GALNT11: variants seen among roughly 807,000 people sequenced by gnomAD.
GALNT11 encodes the protein UDP-GalNAc:polypeptide N-acetylgalactosaminyltransferase 11.
GALNT11 carries 47 observed loss-of-function variants against 72.7 expected under a neutral mutation model. The observed-to-expected ratio is 0.65, with a 90% CI of 0.51 to 0.82. The LOEUF (loss-of-function observed/expected upper bound fraction) is 0.82, where lower values mean the gene tolerates loss of function less well. Among genes scored for constraint, GALNT11 ranks in the 40% least tolerant of loss-of-function variants. The probability of loss-of-function intolerance (pLI) is 0.00; values close to 1 mark genes in which losing one functional copy is unlikely to be tolerated. For synonymous variants in GALNT11, 270 were observed against 286.6 expected (o/e 0.94, Z 0.58); for missense variants, 677 against 778.4 (o/e 0.87, Z 1.55).
chr7:152,111,336 T>C (rs1378012410), intron 7 of GALNT11, among the ~76,000 whole-genome samples: 3 of 152,024 alleles, frequency 2.0e-5, no homozygotes, highest in Non-Finnish European at 4.4e-5. Context: ...CTACTTTTTG[T>C]AGAGATGCGA....
In GALNT11 at chr7:152,094,074, T is replaced by G. The variant is rs2086216199; in HGVS notation, c.-38-116T>G. On this transcript the variant is annotated intron_variant, in intron 1 of 11. Coordinates refer to ENST00000430044, the MANE Select transcript of GALNT11 (RefSeq NM_022087.4). The surrounding 1 kb of genome is among the most constrained non-coding windows in gnomAD (Gnocchi z 4.3). ...CCATACATCTTCTTGTATTTGAATATCCGTTAACTGTACGCATAGTGGTCC... is the reference window on the plus strand; with the variant it reads ...CCATACATCTTCTTGTATTTGAATAGCCGTTAACTGTACGCATAGTGGTCC... The G allele has an allele frequency of 2.5e-6, 2 of 812,622 alleles. No individual in the cohort carries two copies. Among genetic ancestry groups the G allele is most frequent in the African/African-American group, 3.4e-5 (2 of 58,258 alleles). 50.3% of individuals were successfully genotyped at this position (812,622 alleles called of 1,614,324 possible).
At chr7:152,062,465 C>T (rs1260513494) in intron 1 of GALNT11, among the ~76,000 whole-genome samples, 1 of 152,178 alleles carries the variant, frequency 6.6e-6, no homozygotes, top group Non-Finnish European at 1.5e-5. Context: ...ATTTCTTTCT[C>T]CTGCCTGATT....
At chr7:152,049,897 G>A (rs532574519) in intron 1 of GALNT11, among the ~76,000 whole-genome samples, 2 of 152,068 alleles carry the variant, frequency 1.3e-5, no homozygotes, top group African/African-American at 4.8e-5. Context: ...CACTGTCCTA[G>A]GTTCATGGCA....
intron 7 of GALNT11, among the ~76,000 whole-genome samples, 189 bp downstream of exon 7, chr7:152,110,834 G>A (rs540669385): frequency 6.6e-5 from 10 of 151,516 alleles, no homozygotes; most frequent in South Asian, 2.1e-4. Context: ...GAGCTCAAGC[G>A]ATCCTCTTGC....
At chr7:152,092,294 AT>A (rs369529550) in intron 1 of GALNT11, among the ~76,000 whole-genome samples, 2 of 151,636 alleles carry the variant, frequency 1.3e-5, no homozygotes, top group East Asian at 1.9e-4. Flanking sequence ...GCACATTGCA[AT>A]TTTTTTTTGT....
rs753195277 is a variant in GALNT11, at chr7:152,105,356, C to T, written c.698C>T (p.Ala233Val). 13 of 1,612,716 alleles carry T rather than the reference C, an allele frequency of 8.1e-6. No homozygotes were observed. Among genetic ancestry groups the T allele is most frequent in the Middle Eastern group, 3.3e-4 (2 of 6,074 alleles). The change falls in exon 5 of 12, where the codon GCG becomes GTG. Residue 233 changes from alanine (A) to valine (V), a missense_variant. Ala to Val is a moderately conservative substitution (Grantham distance 64). Coordinates refer to ENST00000430044, the MANE Select transcript of GALNT11 (RefSeq NM_022087.4). ...TTGATTCGAGGGAGAATGATTGGCG[C>T]GGCCCACGCGACAGGTATCACTTCT... The part of the protein sequence containing the change: ...EGLIRGRMIG[A>V]AHATGEVLVF...
At chr7:152,066,515 C>T (rs1345320278) in intron 1 of GALNT11, among the ~76,000 whole-genome samples, 1 of 152,192 alleles carries the variant, frequency 6.6e-6, no homozygotes, top group South Asian at 2.1e-4. Context: ...AGAAATCACC[C>T]GTCTTCTGCG....
At chr7:152,065,817 G>C (rs1028448292) in intron 1 of GALNT11, among the ~76,000 whole-genome samples, 8 of 152,292 alleles carry the variant, frequency 5.3e-5, no homozygotes, top group African/African-American at 1.9e-4. Context: ...ATCTCAGAGG[G>C]GTACCCAGCT....
At chr7:152,063,425 T>C (rs1336608021) in intron 1 of GALNT11, among the ~76,000 whole-genome samples, 3 of 152,238 alleles carry the variant, frequency 2.0e-5, no homozygotes, top group Non-Finnish European at 2.9e-5. Context: ...CCTGGATTCA[T>C]TGATTTTTTT....
intron 5 of GALNT11, 77 bp downstream of exon 5, chr7:152,105,447 C>A: frequency 1.3e-6 from 2 of 1,546,142 alleles, no homozygotes; most frequent in Non-Finnish European, 1.7e-6. Context: ...CCTGATTCTG[C>A]AAAGTCTATG....
At chr7:152,098,333 G>A (rs1212783446) in intron 2 of GALNT11, among the ~76,000 whole-genome samples, 2 of 152,002 alleles carry the variant, frequency 1.3e-5, no homozygotes, top group African/African-American at 4.8e-5. Context: ...AGCTACTTAT[G>A]AGGATTGTTT....
chr7:152,052,129 C>T (rs1328916016), intron 1 of GALNT11, among the ~76,000 whole-genome samples: 1 of 152,072 alleles, frequency 6.6e-6, no homozygotes, highest in African/African-American at 2.4e-5. Context: ...CCTGTTGTGT[C>T]TGATTTATTT....
Position 152,108,053 on chromosome 7 carries a change from T to C in GALNT11, c.728T>C (p.Phe243Ser). ...TCCTCCCCAGGAGAAGTCCTTGTGT[T>C]CCTGGACAGCCACTGTGAAGTGAAT... ...AAHATGEVLV[F>S]LDSHCEVNVM... Residue 243 changes from phenylalanine to serine, a missense_variant, in exon 6 of 12, where the codon TTC (phenylalanine) becomes TCC (serine). By Grantham distance (155) the Phe-to-Ser change is radical. Coordinates refer to ENST00000430044, the MANE Select transcript of GALNT11 (RefSeq NM_022087.4). 10 of 1,610,748 alleles carry C rather than the reference T, an allele frequency of 6.2e-6. No individual in the cohort carries two copies. The highest frequency in any genetic ancestry group is 8.5e-6 in the Non-Finnish European group (10 of 1,177,282).
At chr7:152,045,656 T>G (rs903410668) in intron 1 of GALNT11, among the ~76,000 whole-genome samples, 1 of 152,172 alleles carries the variant, frequency 6.6e-6, no homozygotes, top group Non-Finnish European at 1.5e-5. Context: ...CTGATTTTAT[T>G]GATTTGGGGC....
At chr7:152,038,222 CAG>C (rs1345335959) in intron 1 of GALNT11, among the ~76,000 whole-genome samples, 1 of 152,114 alleles carries the variant, frequency 6.6e-6, no homozygotes, top group African/African-American at 2.4e-5. Flanking sequence ...AATGGGAAAT[CAG>C]GGGCCTCACA....
At chr7:152,042,599 C>T (rs1031237751) in intron 1 of GALNT11, among the ~76,000 whole-genome samples, 3 of 152,186 alleles carry the variant, frequency 2.0e-5, no homozygotes, top group African/African-American at 7.2e-5. Context: ...GGAACTTTGT[C>T]TTTCCACTTG....
intron 1 of GALNT11, among the ~76,000 whole-genome samples, chr7:152,090,333 G>T (rs1200467361): frequency 6.6e-6 from 1 of 152,070 alleles, no homozygotes; most frequent in African/African-American, 2.4e-5. Flanking sequence ...ATTAATTCCT[G>T]ATAATGCTTT....
Position 152,113,712 on chromosome 7 carries a change from CTTTTTTTTTTTTTTTTTTTTTTTT to C in GALNT11, c.1233+333_1233+356del, listed in dbSNP as rs6150397. On this transcript the variant is annotated intron_variant, in intron 8 of 11. Transcript: ENST00000430044. ...TGTGACGCCTGCAAAAGTTGGCTTT[CTTTTTTTTTTTTTTTTTTTTTTTT>C]TTTTTTTTTTTTTTTTTTGAGACAG... Among the ~76,000 whole-genome samples, 48 of 97,028 alleles carry C rather than the reference CTTTTTTTTTTTTTTTTTTTTTTTT, an allele frequency of 4.9e-4. 1 individual carries two copies. The highest frequency in any genetic ancestry group is 1.2e-3 in the African/African-American group (27 of 21,792). The allele number at this position is 97,028 out of a possible 152,430, so 63.7% of individuals were successfully genotyped here.
intron 1 of GALNT11, among the ~76,000 whole-genome samples, chr7:152,040,413 A>ATAGGTT (rs1322232145): frequency 6.6e-6 from 1 of 152,222 alleles, no homozygotes; most frequent in Non-Finnish European, 1.5e-5. Flanking sequence ...TCGCTGGATA[A>ATAGGTT]TAGCTTTAGC....
Sources: gnomAD v4.1 joint callset for allele counts (sites outside exome capture counted in the v4.1 genomes callset) on GRCh38, gnomAD v4.1.1 for gene constraint, Gnocchi (gnomAD v3.1) non-coding constraint, MANE v1.5 for transcripts, NCBI Gene and HGNC (gene_info 2026-07-23, HGNC 2026-07-21) for gene names.